UBAP2: variants seen among roughly 807,000 people sequenced by gnomAD.
The protein encoded by UBAP2 is ubiquitin associated protein 2.
A neutral mutation model predicts 139.6 loss-of-function variants in UBAP2; 75 were observed. The ratio of observed to expected loss-of-function variants is 0.54; its 90% CI spans 0.45 to 0.65. UBAP2 has a LOEUF of 0.65. Among genes scored for constraint, UBAP2 ranks in the 30% least tolerant of loss-of-function variants. The pLI, the probability that UBAP2 is intolerant of heterozygous loss-of-function variation, is 0.00. For synonymous variants in UBAP2, 526 were observed against 526.2 expected (o/e 1.00, Z 0.01); for missense variants, 1,368 against 1,369.6 (o/e 1.00, Z 0.02).
chr9:34,032,443 TCC>T (rs1318322804), intron 1 of UBAP2, among the ~76,000 whole-genome samples: 2 of 152,100 alleles, frequency 1.3e-5, no homozygotes, highest in East Asian at 3.8e-4. Flanking sequence ...AGTTACTCTG[TCC>T]CAAGGCTTCA....
At chr9:34,003,308 G>A (rs2131212525) in intron 2 of UBAP2, among the ~76,000 whole-genome samples, 1 of 151,708 alleles carries the variant, frequency 6.6e-6, no homozygotes, top group African/African-American at 2.4e-5. Flanking sequence ...TGGGATTACA[G>A]GTATGCACCA....
chr9:33,974,506 C>T (rs753176086), intron 6 of UBAP2, among the ~76,000 whole-genome samples: 10 of 151,906 alleles, frequency 6.6e-5, no homozygotes, highest in Non-Finnish European at 1.3e-4. Flanking sequence ...GACCATTTCT[C>T]AAAAACAAAC....
chr9:33,999,485 G>C (rs942896647), intron 2 of UBAP2, among the ~76,000 whole-genome samples: 1 of 151,986 alleles, frequency 6.6e-6, no homozygotes, highest in East Asian at 1.9e-4. Context: ...AAGGTATGCT[G>C]GTCAGTTCTG....
chr9:33,926,619 C>A lies in UBAP2; in HGVS notation c.2509G>T (p.Val837Leu), dbSNP rs867671623. 4.3e-6 allele frequency: 7 copies of A among 1,614,102 alleles called. No individual in the cohort carries two copies. The highest frequency in any genetic ancestry group is 1.3e-5 in the African/African-American group (1 of 74,928). The change falls in exon 22 of 29, where the codon GTG becomes TTG. Residue 837 changes from valine (V) to leucine (L), a missense_variant and splice_region_variant. Physicochemically the swap from Val to Leu is conservative, Grantham distance 32. Transcript: ENST00000379238. Reference protein sequence around the residue: ...ELQMLQSRLPVDYYGIPFAAP... With the variant: ...ELQMLQSRLPLDYYGIPFAAP... ...CGACCAGTCCATACCCCACTCACCA[C>A]TGGCAGCCGTGACTGCAGCATCTGG...
chr9:34,024,342 C>A (rs1479162909), intron 1 of UBAP2, among the ~76,000 whole-genome samples: 10 of 144,612 alleles, frequency 6.9e-5, no homozygotes, highest in Middle Eastern at 3.5e-3. Flanking sequence ...AACTCTGTCT[C>A]AAAAAAAAAA....
chr9:34,002,189 A>C (rs1032616029), intron 2 of UBAP2, among the ~76,000 whole-genome samples: 1 of 151,946 alleles, frequency 6.6e-6, no homozygotes, highest in Admixed American at 6.6e-5. Flanking sequence ...CCTGAACTCA[A>C]GCAATCCTCC....
intron 27 of UBAP2, 43 bp from the exon 28 acceptor site, chr9:33,922,921 T>C (rs1390887798): frequency 1.2e-6 from 2 of 1,613,990 alleles, no homozygotes; most frequent in Admixed American, 3.3e-5. Flanking sequence ...GGTTGGGCTG[T>C]AACCTCTCAA....
chr9:33,935,478 G>A, intron 17 of UBAP2: 1 of 267,116 alleles, frequency 3.7e-6, no homozygotes, highest in Non-Finnish European at 7.1e-6. Flanking sequence ...TGTTGCCCAG[G>A]GTGGTCTCAA....
In UBAP2 at chr9:33,935,881, A is replaced by G; in HGVS notation, c.1930-3T>C. Reference sequence around the variant, plus strand: ...CTTCGACCACCACCATGTCCATTCTATAAGGAAAAGAAGAGAAGAGAATAT... The same window carrying G: ...CTTCGACCACCACCATGTCCATTCTGTAAGGAAAAGAAGAGAAGAGAATAT... On this transcript the variant is annotated splice_polypyrimidine_tract_variant and splice_region_variant and intron_variant, in intron 16 of 28. Transcript: ENST00000379238. 1 of 1,611,984 alleles carries G rather than the reference A, an allele frequency of 6.2e-7. No individual in the cohort carries two copies.
intron 5 of UBAP2, among the ~76,000 whole-genome samples, chr9:33,987,908 G>T (rs1457203267): frequency 6.6e-6 from 1 of 152,156 alleles, no homozygotes; most frequent in Admixed American, 6.5e-5. Flanking sequence ...CTAACAGGAA[G>T]ATGCCAACAC....
At chr9:33,985,468 G>A (rs191760244) in intron 6 of UBAP2, among the ~76,000 whole-genome samples, 161 of 152,256 alleles carry the variant, frequency 1.1e-3, no homozygotes, top group Non-Finnish European at 1.8e-3. Context: ...ATATTTACAG[G>A]TTGGAATACT....
intron 12 of UBAP2, among the ~76,000 whole-genome samples, chr9:33,949,173 T>A (rs1487696919): frequency 7.1e-6 from 1 of 140,482 alleles, no homozygotes; most frequent in African/African-American, 2.5e-5. Context: ...TCTCAAAAAA[T>A]AAATAAATAA....
chr9:33,923,381 G>C lies in UBAP2; in HGVS notation c.2894C>G (p.Thr965Arg), dbSNP rs923297294. Residue 965 changes from threonine to arginine, a missense_variant and splice_region_variant, in exon 25 of 29, where the codon ACA (threonine) becomes AGA (arginine). By Grantham distance (71) the Thr-to-Arg change is moderately conservative. Transcript: ENST00000379238. The stretch of plus-strand genomic sequence containing the variant: ...TCTGTCTGGGAAGTACCCCTCACCT[G>C]TACTGTAGCCGTGCTGGCCATAACC... Reference protein sequence around the residue: ...ASGYGQHGYSTGYDDLTQGTA... With the variant: ...ASGYGQHGYSRGYDDLTQGTA... The C allele has an allele frequency of 2.5e-6, 4 of 1,614,068 alleles. No homozygotes were observed.
At position 34,004,042 on chromosome 9, in the gene UBAP2, G is replaced by C. The variant is rs183535337; in HGVS notation, c.100-5178C>G. Among the ~76,000 whole-genome samples, 9 of 152,080 alleles carry C rather than the reference G, an allele frequency of 5.9e-5. No individual in the cohort carries two copies. The East Asian group carries it at 1.7e-3, about 29-fold the overall frequency. ...GCCCCAAATATAGCTTTCTAACAAT[G>C]AATACAAAGAAGTAAAACTATAGGG... is the stretch of plus-strand genomic sequence containing the variant. On this transcript the variant is annotated intron_variant, in intron 2 of 28. Coordinates refer to ENST00000379238, the MANE Select transcript of UBAP2 (RefSeq NM_001370062.2).
At chr9:33,959,663 A>C (rs373837334) in intron 10 of UBAP2, among the ~76,000 whole-genome samples, 2 of 152,360 alleles carry the variant, frequency 1.3e-5, no homozygotes, top group African/African-American at 4.8e-5. Flanking sequence ...AGTACCCAGA[A>C]GCTAGTGTAA....
At chr9:33,992,367 C>G (rs1484009659) in intron 4 of UBAP2, among the ~76,000 whole-genome samples, 1 of 97,348 alleles carries the variant, frequency 1.0e-5, no homozygotes, top group East Asian at 3.2e-4. Flanking sequence ...CCAGCCTGGT[C>G]AACAAGAGCA....
Position 33,949,123 on chromosome 9 carries a change from C to T in UBAP2, c.1057-536G>A, listed in dbSNP as rs531435682. On this transcript the variant is annotated intron_variant, in intron 12 of 28. Coordinates refer to ENST00000379238, the MANE Select transcript of UBAP2 (RefSeq NM_001370062.2). ...CGGAGCTTGTAGTGAGCAGAGATCA[C>T]GCCACTGCACTACAGCCTGGGCGAC... Among the ~76,000 whole-genome samples, 233 of 151,000 alleles carry T rather than the reference C, an allele frequency of 1.5e-3. 2 individuals are homozygous for T. The highest frequency in any genetic ancestry group is 4.2e-3 in the Admixed American group (64 of 15,186).
At chr9:33,938,959 G>A (rs1554681236) in intron 16 of UBAP2, 3 of 442,948 alleles carry the variant, frequency 6.8e-6, no homozygotes, top group Admixed American at 2.6e-5. Context: ...GGAAGGGGAA[G>A]AGAAAAAGGA....
intron 11 of UBAP2, among the ~76,000 whole-genome samples, chr9:33,954,269 T>TATACACAC (rs370755129): frequency 7.2e-6 from 1 of 139,810 alleles, no homozygotes; most frequent in African/African-American, 2.7e-5. Flanking sequence ...TGTGTGTATA[T>TATACACAC]ACACACACAC....
Sources: gnomAD v4.1 joint callset for allele counts (sites outside exome capture counted in the v4.1 genomes callset) on GRCh38, gnomAD v4.1.1 for gene constraint, MANE v1.5 for transcripts, NCBI Gene and HGNC (gene_info 2026-07-23, HGNC 2026-07-21) for gene names.